Variants in NCKAP5 observed in about 807,000 individuals in gnomAD.
The protein encoded by NCKAP5 is NCK associated protein 5, also known as nck-associated protein 5.
Under a neutral mutation model 167.0 loss-of-function variants are expected in NCKAP5, and 92 were observed. The observed-to-expected ratio is 0.55, with a 90% CI of 0.47 to 0.66. The LOEUF (loss-of-function observed/expected upper bound fraction) is 0.66. NCKAP5 is among the 30% of genes least tolerant of loss of function. NCKAP5 has a pLI of 0.00. For missense variants in NCKAP5, 2,378 were observed against 2,315.0 expected (o/e 1.03, Z -0.56); for synonymous variants, 891 against 877.4 (o/e 1.02, Z -0.27).
chr2:133,579,571 T>A, the NCKAP5 span, among the ~76,000 whole-genome samples: 3,985 of 152,260 alleles, frequency 0.026, 133 homozygotes, highest in East Asian at 0.17. Context: ...GGTCTGCATG[T>A]GAAGGCAGAT....
chr2:133,256,191 A>T (rs1296477872), intron 4 of NCKAP5, among the ~76,000 whole-genome samples: 1 of 152,176 alleles, frequency 6.6e-6, no homozygotes, highest in African/African-American at 2.4e-5. Flanking sequence ...TATGTACAAT[A>T]ATTGTATGCT....
intron 16 of NCKAP5, among the ~76,000 whole-genome samples, chr2:132,742,063 A>T (rs927124090): frequency 1.6e-4 from 25 of 152,034 alleles, no homozygotes; most frequent in African/African-American, 6.0e-4. Flanking sequence ...ATCCTAAAAG[A>T]TTATCTTTGC....
At position 132,934,688 on chromosome 2, in the gene NCKAP5, A is replaced by G. The variant is rs182805321; in HGVS notation, c.579+29032T>C. ...TTATTTTACCTTAATTTATTAAAAC[A>G]TGTACATTTGTTAGACATTTATGAA... On this transcript the variant is annotated intron_variant, in intron 8 of 19. Transcript: ENST00000409261. Among the ~76,000 whole-genome samples, 13 of 152,368 alleles carry G rather than the reference A, an allele frequency of 8.5e-5. 1 individual carries two copies. The highest frequency in any genetic ancestry group is 8.5e-4 in the Admixed American group (13 of 15,308).
intron 3 of NCKAP5, among the ~76,000 whole-genome samples, chr2:133,424,409 A>G (rs1475113502): frequency 6.6e-6 from 1 of 152,218 alleles, no homozygotes; most frequent in East Asian, 1.9e-4. Context: ...AAGTGATTTC[A>G]TATTATATGA....
At chr2:133,174,717 TC>T (rs369457535) in intron 5 of NCKAP5, among the ~76,000 whole-genome samples, 1 of 137,998 alleles carries the variant, frequency 7.2e-6, no homozygotes, top group Non-Finnish European at 1.6e-5. Flanking sequence ...TTTTTTTTTC[TC>T]CCCCCTGCTC....
intron 6 of NCKAP5, among the ~76,000 whole-genome samples, chr2:133,012,777 G>A (rs964861509): frequency 6.6e-6 from 1 of 151,952 alleles, no homozygotes; most frequent in Non-Finnish European, 1.5e-5. Context: ...TGCCCTATCT[G>A]CTCATTCTGT....
At chr2:133,521,988 C>T (rs1575099897) in intron 2 of NCKAP5, among the ~76,000 whole-genome samples, 2 of 152,154 alleles carry the variant, frequency 1.3e-5, no homozygotes, top group Admixed American at 6.5e-5. Flanking sequence ...GATCTTACTG[C>T]CCCCTTTCCA....
chr2:132,831,368 C>T (rs940604439), intron 11 of NCKAP5, among the ~76,000 whole-genome samples: 1 of 152,112 alleles, frequency 6.6e-6, no homozygotes, highest in Admixed American at 6.5e-5. Context: ...TTATAAAGAG[C>T]CAAATTACCT....
At chr2:133,327,292 T>C (rs1221873199) in intron 3 of NCKAP5, among the ~76,000 whole-genome samples, 3 of 152,228 alleles carry the variant, frequency 2.0e-5, no homozygotes, top group African/African-American at 7.2e-5. Flanking sequence ...TTTTCCCTTT[T>C]GTTCCTCCAA....
intron 19 of NCKAP5, among the ~76,000 whole-genome samples, chr2:132,722,850 G>T (rs1404592468): frequency 1.3e-5 from 2 of 151,948 alleles, no homozygotes; most frequent in Non-Finnish European, 2.9e-5. Context: ...GCGTCTTGCT[G>T]TGTCACCCAG....
At position 132,905,450 on chromosome 2, in the gene NCKAP5, A is replaced by C. The variant is rs532686550; in HGVS notation, c.580-26534T>G. 5.9e-5 allele frequency among the ~76,000 whole-genome samples: 9 copies of C among 152,296 alleles called. No individual in the cohort carries two copies. In the South Asian group the frequency reaches 1.7e-3, roughly 28 times the overall value. On this transcript the variant is annotated intron_variant, in intron 8 of 19. Coordinates refer to ENST00000409261, the MANE Select transcript of NCKAP5 (RefSeq NM_207363.3). The stretch of plus-strand genomic sequence containing the variant: ...TTTCTTGGCTTGTTTATTGTTCTAC[A>C]TGAACTATAGAACCATTTCAAATTC...
chr2:133,095,536 C>T (rs1055402958), intron 6 of NCKAP5, among the ~76,000 whole-genome samples: 3 of 152,214 alleles, frequency 2.0e-5, no homozygotes, highest in Non-Finnish European at 4.4e-5. Flanking sequence ...AACTAACCTA[C>T]TGAATGATGA....
chr2:133,525,147 A>T (rs1276907545), intron 2 of NCKAP5, among the ~76,000 whole-genome samples: 1 of 152,236 alleles, frequency 6.6e-6, no homozygotes, highest in African/African-American at 2.4e-5. Context: ...TTAGAAGAAG[A>T]TTAAATGCTA....
intron 4 of NCKAP5, among the ~76,000 whole-genome samples, chr2:133,247,174 A>C (rs996504449): frequency 2.0e-5 from 3 of 152,188 alleles, no homozygotes; most frequent in African/African-American, 7.2e-5. Context: ...GAATCAAATA[A>C]CTGGCAATTT....
intron 7 of NCKAP5, among the ~76,000 whole-genome samples, chr2:132,988,126 A>C (rs2077343435): frequency 6.6e-6 from 1 of 152,130 alleles, no homozygotes. Flanking sequence ...GCATTCTAAG[A>C]GCAAGAGGAA....
chr2:133,520,631 T>G (rs1006179298), intron 2 of NCKAP5, among the ~76,000 whole-genome samples: 7 of 152,170 alleles, frequency 4.6e-5, no homozygotes, highest in Admixed American at 4.6e-4. Flanking sequence ...GCTACTGAAC[T>G]TTATGCTCCT....
intron 3 of NCKAP5, among the ~76,000 whole-genome samples, chr2:133,305,754 T>C (rs1680733966): frequency 6.6e-6 from 1 of 152,230 alleles, no homozygotes; most frequent in Non-Finnish European, 1.5e-5. Context: ...TAAATAACTA[T>C]GATGACAAAT....
chr2:132,883,677 C>T (rs1574510198), intron 8 of NCKAP5, among the ~76,000 whole-genome samples: 1 of 152,180 alleles, frequency 6.6e-6, no homozygotes, highest in South Asian at 2.1e-4. Flanking sequence ...CTCATTTCCT[C>T]GGTGCCCTCT....
intron 8 of NCKAP5, among the ~76,000 whole-genome samples, chr2:132,893,015 A>G (rs898974208): frequency 1.4e-5 from 2 of 141,842 alleles, no homozygotes; most frequent in African/African-American, 5.2e-5. Context: ...AAAAAAAAAA[A>G]CCAGAAAGGA....
Sources: gnomAD v4.1 joint callset for allele counts (sites outside exome capture counted in the v4.1 genomes callset) on GRCh38, gnomAD v4.1.1 for gene constraint, MANE v1.5 for transcripts, NCBI Gene and HGNC (gene_info 2026-07-23, HGNC 2026-07-21) for gene names.